Variants in MACROD2 observed in about 807,000 individuals in gnomAD.
MACROD2 encodes ADP-ribose glycohydrolase MACROD2.
In MACROD2, 36 loss-of-function variants were observed where a neutral mutation model predicts 70.4. The ratio of observed to expected loss-of-function variants is 0.51; its 90% CI spans 0.39 to 0.68. The LOEUF is 0.68. MACROD2 is among the 30% of genes least tolerant of loss of function. The pLI, the probability that MACROD2 is intolerant of heterozygous loss-of-function variation, is 0.00. For synonymous variants in MACROD2, 172 were observed against 178.8 expected (o/e 0.96, Z 0.30); for missense variants, 496 against 538.4 (o/e 0.92, Z 0.78).
At chr20:15,847,736 A>C (rs974438220) in intron 8 of MACROD2, among the ~76,000 whole-genome samples, 119 of 152,096 alleles carry the variant, frequency 7.8e-4, no homozygotes, top group African/African-American at 2.5e-3. Flanking sequence ...TGGATACCTG[A>C]CTGTTATTGT....
chr20:14,277,885 A>G (rs1189967061), intron 3 of MACROD2, among the ~76,000 whole-genome samples: 2 of 152,246 alleles, frequency 1.3e-5, no homozygotes, highest in Non-Finnish European at 2.9e-5. Flanking sequence ...TGAAAGGATG[A>G]AGTAAAATCT....
At chr20:14,539,598 T>C (rs2085406161) in intron 4 of MACROD2, among the ~76,000 whole-genome samples, 1 of 152,186 alleles carries the variant, frequency 6.6e-6, no homozygotes, top group Non-Finnish European at 1.5e-5. Flanking sequence ...AGATATTTTA[T>C]AAAAATGCTT....
chr20:14,961,001 A>G (rs764709923), intron 5 of MACROD2, among the ~76,000 whole-genome samples: 1 of 152,154 alleles, frequency 6.6e-6, no homozygotes, highest in Non-Finnish European at 1.5e-5. Context: ...TTCATTTCAC[A>G]CTAATAACAC....
At chr20:14,356,498 CTTTTTTTTTTTTT>C (rs71190132) in intron 3 of MACROD2, among the ~76,000 whole-genome samples, 1 of 76,786 alleles carries the variant, frequency 1.3e-5, no homozygotes, top group African/African-American at 4.7e-5. Context: ...GATCTACTTT[CTTTTTTTTTTTTT>C]TTTTTTTTTT....
intron 5 of MACROD2, among the ~76,000 whole-genome samples, chr20:15,112,819 A>G (rs2075964876): frequency 6.6e-6 from 1 of 152,190 alleles, no homozygotes; most frequent in Admixed American, 6.5e-5. Context: ...TCCCCTGGAT[A>G]CTACCATTCT....
chr20:14,042,782 G>T (rs2053411152), intron 2 of MACROD2, among the ~76,000 whole-genome samples: 1 of 152,102 alleles, frequency 6.6e-6, no homozygotes, highest in African/African-American at 2.4e-5. Flanking sequence ...TTATACGTGT[G>T]CGCCACCGCG....
intron 2 of MACROD2, among the ~76,000 whole-genome samples, chr20:14,020,122 A>G (rs979791865): frequency 1.1e-4 from 17 of 152,210 alleles, no homozygotes; most frequent in Admixed American, 1.0e-3. Flanking sequence ...TAATCTGCAC[A>G]TGCTCAGGCT....
intron 6 of MACROD2, among the ~76,000 whole-genome samples, chr20:15,339,668 A>G (rs978818025): frequency 6.6e-6 from 1 of 151,824 alleles, no homozygotes; most frequent in African/African-American, 2.4e-5. Flanking sequence ...TTCCAAGCCA[A>G]TTTCTAATAC....
chr20:15,483,044 T>G (rs2047119516), intron 7 of MACROD2, among the ~76,000 whole-genome samples: 1 of 152,186 alleles, frequency 6.6e-6, no homozygotes. Context: ...GATGTTGTCT[T>G]TCACAGAGCA....
intron 3 of MACROD2, among the ~76,000 whole-genome samples, chr20:14,239,741 A>G (rs2081912299): frequency 6.6e-6 from 1 of 152,344 alleles, no homozygotes; most frequent in East Asian, 1.9e-4. Flanking sequence ...ATGGAAGGTA[A>G]TCTAGGAAAT....
At chr20:15,940,633 T>C (rs538035951) in intron 12 of MACROD2, among the ~76,000 whole-genome samples, 103 of 152,296 alleles carry the variant, frequency 6.8e-4, no homozygotes, top group Non-Finnish European at 1.4e-3. Flanking sequence ...AGGAGAAAGA[T>C]TACAAGTTGC....
intron 5 of MACROD2, among the ~76,000 whole-genome samples, chr20:14,717,654 G>T (rs16990101): frequency 1.3e-5 from 2 of 151,456 alleles, no homozygotes; most frequent in Non-Finnish European, 1.5e-5. Context: ...CAGTTTTAAC[G>T]TGACCAATAA....
At chr20:15,634,498 C>G (rs942033116) in intron 8 of MACROD2, among the ~76,000 whole-genome samples, 3 of 152,188 alleles carry the variant, frequency 2.0e-5, no homozygotes, top group Non-Finnish European at 4.4e-5. Context: ...CAGAAAAGGT[C>G]ACGCATCTGA....
intron 3 of MACROD2, among the ~76,000 whole-genome samples, chr20:14,300,516 G>C (rs2082465802): frequency 6.6e-6 from 1 of 152,156 alleles, no homozygotes; most frequent in Non-Finnish European, 1.5e-5. Context: ...GGAAACTTTA[G>C]AAAATTGACA....
intron 3 of MACROD2, among the ~76,000 whole-genome samples, chr20:14,131,701 G>A (rs1271945881): frequency 2.0e-5 from 3 of 152,086 alleles, no homozygotes; most frequent in Non-Finnish European, 2.9e-5. Context: ...TTGGATAATG[G>A]TGTGTTTCAT....
At chr20:14,182,943 G>A (rs1416534113) in intron 3 of MACROD2, among the ~76,000 whole-genome samples, 1 of 151,286 alleles carries the variant, frequency 6.6e-6, no homozygotes. Flanking sequence ...ATACCCCACC[G>A]AGTTTAATTC....
At chr20:14,685,743 G>T (rs772388545) in intron 5 of MACROD2, among the ~76,000 whole-genome samples, 108 of 152,138 alleles carry the variant, frequency 7.1e-4, no homozygotes, top group Admixed American at 2.7e-3. Flanking sequence ...ACACCAATTT[G>T]TTGATTATCA....
intron 4 of MACROD2, among the ~76,000 whole-genome samples, chr20:14,514,044 G>C (rs1018754934): frequency 1.3e-5 from 2 of 151,908 alleles, no homozygotes; most frequent in African/African-American, 2.4e-5. Flanking sequence ...ATGATTTAAG[G>C]CTTCTCTTTC....
At chr20:15,668,536 C>A (rs917620239) in intron 8 of MACROD2, among the ~76,000 whole-genome samples, 7 of 152,008 alleles carry the variant, frequency 4.6e-5, no homozygotes, top group Non-Finnish European at 1.0e-4. Context: ...CCACTGCACT[C>A]CAGCCTGGGC....
Sources: gnomAD v4.1 joint callset for allele counts (sites outside exome capture counted in the v4.1 genomes callset) on GRCh38, gnomAD v4.1.1 for gene constraint, MANE v1.5 for transcripts, NCBI Gene and HGNC (gene_info 2026-07-23, HGNC 2026-07-21) for gene names.